The following IMMP2L variants were observed in gnomAD, a reference collection of about 807,000 sequenced individuals.
IMMP2L encodes inner mitochondrial membrane peptidase subunit 2.
In IMMP2L, 18 loss-of-function variants were observed where a neutral mutation model predicts 19.3. That is an observed-to-expected ratio of 0.93 (90% CI 0.64 to 1.38). IMMP2L has a LOEUF of 1.38. Ranked by LOEUF, IMMP2L falls within the 40% of genes most tolerant of loss-of-function variation. The pLI is 0.00. For synonymous variants in IMMP2L, 76 were observed against 73.0 expected (o/e 1.04, Z -0.21); for missense variants, 233 against 218.2 (o/e 1.07, Z -0.43).
At chr7:111,332,425 A>C (rs1289497200) in intron 3 of IMMP2L, among the ~76,000 whole-genome samples, 2 of 152,064 alleles carry the variant, frequency 1.3e-5, no homozygotes, top group Non-Finnish European at 2.9e-5. Flanking sequence ...AAAAAGCATT[A>C]AATGTAACAA....
intron 5 of IMMP2L, among the ~76,000 whole-genome samples, chr7:110,773,025 A>C (rs1008084855): frequency 1.3e-5 from 2 of 152,086 alleles, no homozygotes; most frequent in Non-Finnish European, 2.9e-5. Flanking sequence ...TTTAAAAAGC[A>C]ATTTAACTTT....
chr7:111,052,058 T>C (rs1193801205), intron 3 of IMMP2L, among the ~76,000 whole-genome samples: 3 of 152,202 alleles, frequency 2.0e-5, no homozygotes, highest in Non-Finnish European at 4.4e-5. Flanking sequence ...AACAGATTCT[T>C]TGTAGCAATA....
chr7:111,022,361 G>T (rs1826372070), intron 3 of IMMP2L, among the ~76,000 whole-genome samples: 2 of 152,054 alleles, frequency 1.3e-5, no homozygotes, highest in Non-Finnish European at 2.9e-5. Flanking sequence ...ATCTAACAAA[G>T]GAAACAAAAC....
At chr7:111,148,048 C>G (rs1430507681) in intron 3 of IMMP2L, among the ~76,000 whole-genome samples, 1 of 151,980 alleles carries the variant, frequency 6.6e-6, no homozygotes, top group Non-Finnish European at 1.5e-5. Context: ...ATGCTAAACC[C>G]TCTACACCAG....
At chr7:111,000,717 G>A (rs1478406863) in intron 3 of IMMP2L, among the ~76,000 whole-genome samples, 2 of 151,978 alleles carry the variant, frequency 1.3e-5, no homozygotes, top group African/African-American at 4.8e-5. Flanking sequence ...GGTGGTGGAT[G>A]CCTGTAATCC....
chr7:111,065,984 T>C (rs1794459841), intron 3 of IMMP2L, among the ~76,000 whole-genome samples: 2 of 112,746 alleles, frequency 1.8e-5, no homozygotes. Flanking sequence ...TAGCAGGCTG[T>C]AATTTTTTTT....
At chr7:111,252,171 G>T (rs1014115077) in intron 3 of IMMP2L, among the ~76,000 whole-genome samples, 1 of 151,780 alleles carries the variant, frequency 6.6e-6, no homozygotes, top group Non-Finnish European at 1.5e-5. Context: ...AAGTTCACAT[G>T]CAGGATACCT....
At chr7:110,966,456 A>T (rs896002014) in intron 3 of IMMP2L, among the ~76,000 whole-genome samples, 1 of 151,984 alleles carries the variant, frequency 6.6e-6, no homozygotes, top group African/African-American at 2.4e-5. Context: ...TGAGATTAAC[A>T]TTAATGAAAT....
chr7:111,390,368 A>T (rs1460039307), intron 3 of IMMP2L, among the ~76,000 whole-genome samples: 1 of 152,048 alleles, frequency 6.6e-6, no homozygotes, highest in Non-Finnish European at 1.5e-5. Context: ...TCCCTAAAAT[A>T]CATCTCACAC....
chr7:111,262,102 CCTA>C, intron 3 of IMMP2L, among the ~76,000 whole-genome samples: 1 of 152,136 alleles, frequency 6.6e-6, no homozygotes, highest in East Asian at 1.9e-4. Context: ...CACAGTAGAA[CCTA>C]CTATGGCTGG....
rs1353017773 is a variant in IMMP2L at position 110,803,707 on chromosome 7, C to A, written c.408+82886G>T. ...GTAGCCAAGGGCAAGTCCTGATGGG[C>A]TGACAGGCTATCCCCTGGGAGCACT... On this transcript the variant is annotated intron_variant, in intron 5 of 5. Coordinates refer to ENST00000405709, the MANE Select transcript of IMMP2L (RefSeq NM_032549.4). The surrounding 1 kb of genome is among the most constrained non-coding windows in gnomAD (Gnocchi z 4.2). Among the ~76,000 whole-genome samples, 2 of 152,036 alleles carry A rather than the reference C, an allele frequency of 1.3e-5. No homozygotes were observed. Among genetic ancestry groups the A allele is most frequent in the Non-Finnish European group, 2.9e-5 (2 of 67,978 alleles).
At chr7:110,878,631 A>G (rs1164674036) in intron 5 of IMMP2L, among the ~76,000 whole-genome samples, 1 of 152,132 alleles carries the variant, frequency 6.6e-6, no homozygotes, top group Non-Finnish European at 1.5e-5. Flanking sequence ...TGTTGTCAAT[A>G]GAATGCATAT....
chr7:111,419,027 C>A (rs1217993504), intron 3 of IMMP2L, among the ~76,000 whole-genome samples: 2 of 151,692 alleles, frequency 1.3e-5, no homozygotes, highest in Non-Finnish European at 2.9e-5. Context: ...AATTACAAAT[C>A]AAATTTCTGA....
At chr7:111,409,214 A>G (rs867003452) in intron 3 of IMMP2L, among the ~76,000 whole-genome samples, 16 of 151,816 alleles carry the variant, frequency 1.1e-4, no homozygotes, top group Middle Eastern at 3.4e-3. Context: ...TGAAGAAACC[A>G]TTTCATAATA....
At chr7:110,955,355 T>C (rs1404550920) in intron 4 of IMMP2L, among the ~76,000 whole-genome samples, 1 of 151,856 alleles carries the variant, frequency 6.6e-6, no homozygotes, top group Non-Finnish European at 1.5e-5. Context: ...GGTAAGAATA[T>C]CCATAATACA....
At chr7:111,376,986 C>G (rs1447576799) in intron 3 of IMMP2L, among the ~76,000 whole-genome samples, 1 of 151,858 alleles carries the variant, frequency 6.6e-6, no homozygotes, top group Admixed American at 6.6e-5. Flanking sequence ...GAATGTACAA[C>G]TCTGTGAATA....
At chr7:111,016,519 A>G (rs1301329698) in intron 3 of IMMP2L, among the ~76,000 whole-genome samples, 1 of 118,152 alleles carries the variant, frequency 8.5e-6, no homozygotes, top group African/African-American at 3.3e-5. Flanking sequence ...ATTTTATATT[A>G]TATATGTATA....
At chr7:110,976,037 C>T (rs1483219898) in intron 3 of IMMP2L, among the ~76,000 whole-genome samples, 2 of 151,900 alleles carry the variant, frequency 1.3e-5, no homozygotes, top group African/African-American at 4.8e-5. Context: ...GAAAAATTAA[C>T]CACAACACCA....
chr7:110,811,719 T>G (rs1354564713), intron 5 of IMMP2L, among the ~76,000 whole-genome samples: 1 of 152,054 alleles, frequency 6.6e-6, no homozygotes, highest in African/African-American at 2.4e-5. Context: ...CAAGAGAGTA[T>G]TATCATGGAT....
Sources: allele counts gnomAD v4.1 joint callset (sites outside exome capture counted in the v4.1 genomes callset), GRCh38; gene constraint gnomAD v4.1.1; non-coding constraint Gnocchi (gnomAD v3.1); transcripts MANE v1.5; gene names NCBI Gene and HGNC (gene_info 2026-07-23, HGNC 2026-07-21).